Variants in SUMF1 observed in about 807,000 individuals in gnomAD.
SUMF1 encodes the protein sulfatase modifying factor 1, also known as formylglycine-generating enzyme.
SUMF1 carries 48 observed loss-of-function variants against 47.6 expected under a neutral mutation model. That is an observed-to-expected ratio of 1.01 (90% CI 0.80 to 1.28). SUMF1 has a LOEUF of 1.28. Ranked by LOEUF, SUMF1 falls within the 50% of genes most tolerant of loss-of-function variation. The pLI is 0.00. For missense variants in SUMF1, 571 were observed against 485.4 expected (o/e 1.18, Z -1.66); for synonymous variants, 230 against 192.1 (o/e 1.20, Z -1.63).
intron 7 of SUMF1, among the ~76,000 whole-genome samples, chr3:4,393,656 A>AT (rs1700949258): frequency 6.6e-6 from 1 of 151,082 alleles, no homozygotes; most frequent in African/African-American, 2.4e-5. Context: ...TTTATTTATT[A>AT]TTATTATTAT....
chr3:4,057,905 TTC>T (rs1024638828), intron 9 of SUMF1, among the ~76,000 whole-genome samples: 2 of 152,152 alleles, frequency 1.3e-5, no homozygotes, highest in African/African-American at 4.8e-5. Context: ...GTCTGCTTTT[TTC>T]TCTGTCTCTA....
chr3:4,053,546 GA>G (rs1695147839), intron 9 of SUMF1, among the ~76,000 whole-genome samples: 1 of 151,960 alleles, frequency 6.6e-6, no homozygotes, highest in African/African-American at 2.4e-5. Context: ...TTAAAAATAA[GA>G]ATCAAAAAAG....
intron 3 of SUMF1, among the ~76,000 whole-genome samples, chr3:4,448,093 T>C (rs711636): frequency 0.33 from 50,055 of 151,816 alleles, 8,490 homozygotes; most frequent in Non-Finnish European, 0.38. Context: ...ACTTATAAAC[T>C]TGTAAGGAGC....
At chr3:4,335,966 A>AAACAAAAAACAAAC (rs575357717) in intron 8 of SUMF1, among the ~76,000 whole-genome samples, 8 of 144,914 alleles carry the variant, frequency 5.5e-5, no homozygotes, top group African/African-American at 1.9e-4. Context: ...AACTCAAAAA[A>AAACAAAAAACAAAC]AAAAAAAAAA....
rs1329541449 is a variant in SUMF1 at position 4,104,731 on chromosome 3, T to G, written c.1015-35986A>C. Among the ~76,000 whole-genome samples, 3 of 151,898 alleles carry G rather than the reference T, an allele frequency of 2.0e-5. No homozygotes were observed. In the East Asian group the frequency reaches 5.8e-4, roughly 29 times the overall value. ...CCAGCCCCTACCAATTCCCCTGTTC[T>G]CCAATGTAATAATTTTTTTCCTTTA... On this transcript the variant is annotated intron_variant and NMD_transcript_variant, in intron 8 of 12. Transcript: ENST00000448413.
chr3:4,463,467 G>A (rs1270573662), intron 1 of SUMF1, among the ~76,000 whole-genome samples: 1 of 152,236 alleles, frequency 6.6e-6, no homozygotes, highest in Non-Finnish European at 1.5e-5. Context: ...TCCAGCCTGG[G>A]TGACAGAGCG....
At chr3:4,371,965 A>G (rs1269943746) in intron 8 of SUMF1, among the ~76,000 whole-genome samples, 1 of 152,194 alleles carries the variant, frequency 6.6e-6, no homozygotes, top group Non-Finnish European at 1.5e-5. Flanking sequence ...TATTGAAGCT[A>G]TACTTTGGAT....
At chr3:4,308,543 T>C (rs1698281896) in intron 8 of SUMF1, among the ~76,000 whole-genome samples, 1 of 152,224 alleles carries the variant, frequency 6.6e-6, no homozygotes, top group African/African-American at 2.4e-5. Context: ...TTCATTAAAA[T>C]TTCATGATAG....
intron 8 of SUMF1, among the ~76,000 whole-genome samples, chr3:4,211,103 CAT>C (rs3046240): frequency 5.9e-4 from 54 of 91,344 alleles, no homozygotes; most frequent in Middle Eastern, 6.1e-3. Flanking sequence ...AATAAACTCC[CAT>C]ATATATATAT....
Position 4,401,545 on chromosome 3 carries a change from G to A in SUMF1, c.954+9320C>T, listed in dbSNP as rs115599475. On this transcript the variant is annotated intron_variant, in intron 7 of 8. Coordinates refer to ENST00000272902, the MANE Select transcript of SUMF1 (RefSeq NM_182760.4). Reference sequence around the variant, plus strand: ...GCAGTTCCCCGGATTTACTGTACCCGTGGGAATGGCTTGCTACATCCTCAG... The same window carrying A: ...GCAGTTCCCCGGATTTACTGTACCCATGGGAATGGCTTGCTACATCCTCAG... 2.6e-3 allele frequency among the ~76,000 whole-genome samples: 400 copies of A among 152,214 alleles called. 1 individual carries two copies. The highest frequency in any genetic ancestry group is 8.8e-3 in the African/African-American group (366 of 41,524).
At chr3:4,338,012 C>G (rs1476760172) in intron 8 of SUMF1, among the ~76,000 whole-genome samples, 3 of 152,216 alleles carry the variant, frequency 2.0e-5, no homozygotes, top group African/African-American at 7.2e-5. Flanking sequence ...GGCCTCCCCT[C>G]TATCCCAACT....
chr3:4,103,346 T>C (rs777294677), intron 8 of SUMF1, among the ~76,000 whole-genome samples: 10 of 152,212 alleles, frequency 6.6e-5, no homozygotes, highest in Middle Eastern at 6.8e-3. Flanking sequence ...ATTAGATGAA[T>C]TATAACCACA....
intron 8 of SUMF1, chr3:4,316,819 T>A (rs770927294): frequency 6.2e-5 from 96 of 1,550,426 alleles, no homozygotes; most frequent in Non-Finnish European, 8.2e-5. Flanking sequence ...GCTGGTCTGA[T>A]CCACTACAGC....
intron 7 of SUMF1, among the ~76,000 whole-genome samples, chr3:4,387,046 C>T (rs576587040): frequency 1.1e-4 from 17 of 151,860 alleles, no homozygotes; most frequent in Non-Finnish European, 1.6e-4. Context: ...GGGATGTTCA[C>T]CTGTAGTAAC....
chr3:4,198,860 G>T (rs1274019443), intron 8 of SUMF1, among the ~76,000 whole-genome samples: 1 of 151,426 alleles, frequency 6.6e-6, no homozygotes, highest in Non-Finnish European at 1.5e-5. Context: ...GAAGTATTCT[G>T]TCCAAAAAGA....
At chr3:4,328,716 G>A (rs904124106) in intron 8 of SUMF1, among the ~76,000 whole-genome samples, 17 of 152,032 alleles carry the variant, frequency 1.1e-4, no homozygotes, top group African/African-American at 3.9e-4. Flanking sequence ...CAAATCTCAC[G>A]TCCTCACATT....
At chr3:4,144,647 C>T (rs920103995) in intron 8 of SUMF1, among the ~76,000 whole-genome samples, 3 of 152,048 alleles carry the variant, frequency 2.0e-5, no homozygotes, top group African/African-American at 4.8e-5. Context: ...CAATCCACTC[C>T]AAAACACAAA....
chr3:4,061,621 G>A (rs527820434), intron 9 of SUMF1, among the ~76,000 whole-genome samples: 1 of 152,190 alleles, frequency 6.6e-6, no homozygotes, highest in South Asian at 2.1e-4. Context: ...TTCTATGCAG[G>A]GAGCAGCAAG....
At chr3:4,241,967 T>C (rs1429786190) in intron 8 of SUMF1, among the ~76,000 whole-genome samples, 5 of 152,186 alleles carry the variant, frequency 3.3e-5, no homozygotes, top group Non-Finnish European at 7.3e-5. Context: ...AAATGGGCTT[T>C]CCACTTGGCT....
Sources: allele counts gnomAD v4.1 joint callset (sites outside exome capture counted in the v4.1 genomes callset), GRCh38; gene constraint gnomAD v4.1.1; transcripts MANE v1.5; gene names NCBI Gene and HGNC (gene_info 2026-07-23, HGNC 2026-07-21).